Variants in C12orf42 observed in about 807,000 individuals in gnomAD.
C12orf42 encodes the protein uncharacterized protein C12orf42.
C12orf42 carries 25 observed loss-of-function variants against 21.6 expected under a neutral mutation model. The ratio of observed to expected loss-of-function variants is 1.16; its 90% CI spans 0.84 to 1.62. The LOEUF (loss-of-function observed/expected upper bound fraction) is 1.62. Ranked by LOEUF, C12orf42 falls within the 40% of genes most tolerant of loss-of-function variation. C12orf42 has a pLI of 0.00. For missense variants in C12orf42, 483 were observed against 459.3 expected (o/e 1.05, Z -0.47); for synonymous variants, 174 against 175.0 (o/e 0.99, Z 0.05).
the C12orf42 span, among the ~76,000 whole-genome samples, chr12:103,069,965 T>A: frequency 2.0e-5 from 3 of 152,196 alleles, no homozygotes; most frequent in African/African-American, 7.2e-5. Context: ...GTCTTACTGA[T>A]TCACCTCCCT....
At chr12:103,315,225 G>A (rs2039345634) in intron 4 of C12orf42, among the ~76,000 whole-genome samples, 1 of 152,104 alleles carries the variant, frequency 6.6e-6, no homozygotes, top group South Asian at 2.1e-4. Flanking sequence ...ACAGGCTAAA[G>A]AGACAAAGCA....
chr12:103,534,219 A>T, the C12orf42 span, among the ~76,000 whole-genome samples: 2 of 152,246 alleles, frequency 1.3e-5, no homozygotes, highest in Non-Finnish European at 2.9e-5. Flanking sequence ...AATATCTGCC[A>T]ATCGCTGTGT....
the C12orf42 span, among the ~76,000 whole-genome samples, chr12:103,074,770 T>C: frequency 6.6e-6 from 1 of 152,118 alleles, no homozygotes; most frequent in African/African-American, 2.4e-5. Context: ...AGTAGTACTT[T>C]CTACAACATT....
downstream of C12orf42, among the ~76,000 whole-genome samples, chr12:103,263,935 G>A (rs2035036321): frequency 6.6e-6 from 1 of 152,140 alleles, no homozygotes; most frequent in African/African-American, 2.4e-5. Flanking sequence ...ACCACTCTCA[G>A]TAGTTCTTAG....
chr12:103,161,048 T>C, the C12orf42 span, among the ~76,000 whole-genome samples: 2 of 152,244 alleles, frequency 1.3e-5, no homozygotes, highest in African/African-American at 4.8e-5. Flanking sequence ...GATTGCTCAG[T>C]AAATTATTAT....
chr12:103,204,515 A>C, the C12orf42 span, among the ~76,000 whole-genome samples: 1 of 152,238 alleles, frequency 6.6e-6, no homozygotes, highest in South Asian at 2.1e-4. Flanking sequence ...AACTAGTTCC[A>C]TATCCATGTG....
At chr12:103,230,583 G>A in the C12orf42 span, among the ~76,000 whole-genome samples, 1 of 152,188 alleles carries the variant, frequency 6.6e-6, no homozygotes, top group Admixed American at 6.5e-5. Context: ...CCATCACAGA[G>A]TCATCTTCAA....
intron 4 of C12orf42, among the ~76,000 whole-genome samples, chr12:103,296,451 T>G (rs1157689510): frequency 6.6e-6 from 1 of 152,214 alleles, no homozygotes; most frequent in Non-Finnish European, 1.5e-5. Context: ...TCTTCCACAA[T>G]GGTTGAACTA....
chr12:103,085,339 G>A, the C12orf42 span, among the ~76,000 whole-genome samples: 3 of 151,950 alleles, frequency 2.0e-5, no homozygotes, highest in African/African-American at 7.3e-5. Context: ...ATTTTTCACT[G>A]TTGCTTTTAA....
chr12:103,372,281 G>A (rs1403846048), intron 3 of C12orf42, among the ~76,000 whole-genome samples: 1 of 152,006 alleles, frequency 6.6e-6, no homozygotes, highest in African/African-American at 2.4e-5. Context: ...TATGGCACTG[G>A]CCTTCTTAAT....
At chr12:103,458,048 A>G (rs1328509638) in intron 2 of C12orf42, among the ~76,000 whole-genome samples, 1 of 152,208 alleles carries the variant, frequency 6.6e-6, no homozygotes, top group Non-Finnish European at 1.5e-5. Context: ...GGTCATCTTG[A>G]AACAAAGAAC....
chr12:103,263,668 G>A (rs767543040), downstream of C12orf42, among the ~76,000 whole-genome samples: 4 of 152,050 alleles, frequency 2.6e-5, no homozygotes, highest in Non-Finnish European at 4.4e-5. Flanking sequence ...GATACCATAA[G>A]GTGAATCCCA....
chr12:103,355,898 T>C (rs1483527788), intron 4 of C12orf42, among the ~76,000 whole-genome samples: 3 of 152,078 alleles, frequency 2.0e-5, no homozygotes, highest in Non-Finnish European at 4.4e-5. Context: ...ATGCTAGTAA[T>C]TACTGAACAT....
At chr12:103,541,564 C>A in the C12orf42 span, among the ~76,000 whole-genome samples, 1 of 152,134 alleles carries the variant, frequency 6.6e-6, no homozygotes, top group African/African-American at 2.4e-5. Flanking sequence ...ATATACAGTA[C>A]ATAATACTTG....
the C12orf42 span, among the ~76,000 whole-genome samples, chr12:103,095,863 C>T: frequency 6.6e-6 from 1 of 152,078 alleles, no homozygotes; most frequent in Admixed American, 6.5e-5. Flanking sequence ...CTCTAAAAGT[C>T]TTATTAGAAC....
intron 1 of C12orf42, among the ~76,000 whole-genome samples, chr12:103,494,556 T>TAA (rs375814177): frequency 8.8e-5 from 13 of 148,264 alleles, no homozygotes; most frequent in African/African-American, 2.7e-4. Flanking sequence ...ATGTGGCAGA[T>TAA]AAAAAAAAAA....
At chr12:103,261,503 G>C (rs1002498299) in intron 10 of C12orf42, among the ~76,000 whole-genome samples, 7 of 149,506 alleles carry the variant, frequency 4.7e-5, no homozygotes, top group Non-Finnish European at 7.4e-5. Context: ...AAAAAAGTAT[G>C]GTTCTTGTTG....
Sources: gnomAD v4.1 joint callset for allele counts (sites outside exome capture counted in the v4.1 genomes callset) on GRCh38, gnomAD v4.1.1 for gene constraint, MANE v1.5 for transcripts, NCBI Gene and HGNC (gene_info 2026-07-23, HGNC 2026-07-21) for gene names.